The following KCNQ1OT1 variants were observed in gnomAD, a reference collection of about 807,000 sequenced individuals.
The protein encoded by KCNQ1OT1 is KCNQ1 antisense RNA 2 (non-protein coding).
In KCNQ1OT1 at chr11:2,668,675, C is replaced by CAG. The variant is rs954593533; in HGVS notation, n.31318_31319dup. 1.5e-5 allele frequency: 6 copies of CAG among 398,514 alleles called. No homozygotes were observed. The Admixed American group carries it at 1.8e-4, about 12-fold the overall frequency. 24.7% of individuals were successfully genotyped at this position (398,514 alleles called of 1,614,324 possible). ...CTTTAGATATTCTGGAGTCATTTGT[C>CAG]AGAGAGAGAGATACACACACTCACA... On this transcript the variant is annotated non_coding_transcript_exon_variant, in exon 1 of 1. Transcript: ENST00000597346. The surrounding 1 kb of genome is among the most constrained non-coding windows in gnomAD (Gnocchi z 4.3).
In KCNQ1OT1 at chr11:2,645,377, A is replaced by AGGGTGGGACCAGGCC; in HGVS notation, n.54603_54617dup. On this transcript the variant is annotated non_coding_transcript_exon_variant, in exon 1 of 1. Coordinates refer to ENST00000597346, the Ensembl canonical transcript of KCNQ1OT1. This position sits in a 1 kb window ranked among gnomAD's most constrained non-coding sequence, Gnocchi z 5.8. ...GTATGCGCTGGCACTGGGAGAAAAGAGGGTGGGACCAGGCCAGGTGGGCCT... is the reference window on the plus strand; with the variant it reads ...GTATGCGCTGGCACTGGGAGAAAAGAGGGTGGGACCAGGCCGGGTGGGACCAGGCCAGGTGGGCCT... 2.5e-6 allele frequency: 1 copy of AGGGTGGGACCAGGCC among 398,792 alleles called. No homozygotes were observed. Among genetic ancestry groups the AGGGTGGGACCAGGCC allele is most frequent in the Non-Finnish European group, 4.4e-6 (1 of 226,246 alleles). The allele number at this position is 398,792 out of a possible 1,614,324, so 24.7% of individuals were successfully genotyped here.
exon 1 of KCNQ1OT1, chr11:2,633,396 T>G (rs1849396556): frequency 5.0e-6 from 2 of 398,588 alleles, no homozygotes; most frequent in Non-Finnish European, 8.8e-6. Context: ...TTTGTCTATT[T>G]TTGTTTTTGT....
At chr11:2,646,926 C>G (rs1023087103) in exon 1 of KCNQ1OT1, 3 of 398,496 alleles carry the variant, frequency 7.5e-6, no homozygotes, top group Non-Finnish European at 1.3e-5. Flanking sequence ...TAAGATTATG[C>G]CATCTGCAAA....
At chr11:2,633,576 C>A in exon 1 of KCNQ1OT1, 2 of 398,476 alleles carry the variant, frequency 5.0e-6, no homozygotes. Flanking sequence ...TTTCATTCTT[C>A]TGCATATGAT....
At chr11:2,650,289 T>G in exon 1 of KCNQ1OT1, 1 of 398,602 alleles carries the variant, frequency 2.5e-6, no homozygotes, top group Non-Finnish European at 4.4e-6. Context: ...GGAGAATTAT[T>G]GTGTTCTTTT....
At chr11:2,641,135 G>A (rs1053523542) in exon 1 of KCNQ1OT1, 3 of 398,380 alleles carry the variant, frequency 7.5e-6, no homozygotes, top group African/African-American at 6.2e-5. Flanking sequence ...ACACGGGGAT[G>A]CAGGTACATT....
chr11:2,659,705 TTCCCACC>T lies in KCNQ1OT1; in HGVS notation n.40283_40289del, dbSNP rs1849916022. 4 of 398,550 alleles carry T rather than the reference TTCCCACC, an allele frequency of 1.0e-5. No individual in the cohort carries two copies. The Admixed American group carries it at 1.3e-4, about 13-fold the overall frequency. The allele number at this position is 398,550 out of a possible 1,614,324, so 24.7% of individuals were successfully genotyped here. ...CCTAAAGTCACTGTGCCATTTTGCA[TTCCCACC>T]AGTAACATATGAGAGTTCTACATGT... On this transcript the variant is annotated non_coding_transcript_exon_variant, in exon 1 of 1. Coordinates refer to ENST00000597346, the Ensembl canonical transcript of KCNQ1OT1. This position sits in a 1 kb window ranked among gnomAD's most constrained non-coding sequence, Gnocchi z 4.3.
chr11:2,660,412 T>C (rs1849931171), exon 1 of KCNQ1OT1: 1 of 398,500 alleles, frequency 2.5e-6, no homozygotes, highest in Non-Finnish European at 4.4e-6. Context: ...AAAAGATGTA[T>C]CACTTTAAAA....
exon 1 of KCNQ1OT1, chr11:2,610,716 CTT>C (rs1167505141): frequency 0.065 from 14,278 of 219,124 alleles, no homozygotes; most frequent in Middle Eastern, 0.088. Flanking sequence ...TCTTGGTTGG[CTT>C]TTTTTTTTTT....
At chr11:2,609,232 C>T in exon 1 of KCNQ1OT1, 1 of 398,190 alleles carries the variant, frequency 2.5e-6, no homozygotes, top group Non-Finnish European at 4.4e-6. Flanking sequence ...TCTTCATTTT[C>T]ATTAATCTCA....
chr11:2,669,268 C>T lies in KCNQ1OT1; in HGVS notation n.30727G>A. ...TTCTCCTTCCCCATCACTGGCTTTG[C>T]TGTCTTTGCAGGGTTTCTCCTCACC... On this transcript the variant is annotated non_coding_transcript_exon_variant, in exon 1 of 1. Transcript: ENST00000597346. The surrounding 1 kb of genome is among the most constrained non-coding windows in gnomAD (Gnocchi z 5.6). 1 of 398,726 alleles carries T rather than the reference C, an allele frequency of 2.5e-6. No homozygotes were observed. The allele number at this position is 398,726 out of a possible 1,614,324, so 24.7% of individuals were successfully genotyped here.
Position 2,645,251 on chromosome 11 carries a change from G to A in KCNQ1OT1, n.54744C>T. On this transcript the variant is annotated non_coding_transcript_exon_variant, in exon 1 of 1. Transcript: ENST00000597346. This position sits in a 1 kb window ranked among gnomAD's most constrained non-coding sequence, Gnocchi z 5.8. ...GCAAATTCAAGTGAATGCCAGTTGT[G>A]GTGGTAATGGTCAGTTGGGTAGGGC... is the stretch of plus-strand genomic sequence containing the variant. 1 of 398,648 alleles carries A rather than the reference G, an allele frequency of 2.5e-6. No individual in the cohort carries two copies. Among genetic ancestry groups the A allele is most frequent in the East Asian group, 3.6e-5 (1 of 28,068 alleles). The allele number at this position is 398,648 out of a possible 1,614,324, so 24.7% of individuals were successfully genotyped here. A position where few individuals can be genotyped will look rare whatever the true frequency, so the allele number is the denominator to read the frequency against.
rs1289439667 is a variant in KCNQ1OT1 at position 2,663,248 on chromosome 11, G to A, written n.36747C>T. ...GGAGCCAGCAGATCACTGGAAAGCA[G>A]GGGTGACTAGTCATGGACACCCTGA... On this transcript the variant is annotated non_coding_transcript_exon_variant, in exon 1 of 1. Coordinates refer to ENST00000597346, the Ensembl canonical transcript of KCNQ1OT1. This position sits in a 1 kb window ranked among gnomAD's most constrained non-coding sequence, Gnocchi z 5.2. The A allele has an allele frequency of 5.0e-6, 2 of 398,628 alleles. No individual in the cohort carries two copies. The highest frequency in any genetic ancestry group is 3.6e-5 in the East Asian group (1 of 28,088). 24.7% of individuals were successfully genotyped at this position (398,628 alleles called of 1,614,324 possible).
exon 1 of KCNQ1OT1, chr11:2,693,700 T>C: frequency 2.5e-6 from 1 of 398,640 alleles, no homozygotes; most frequent in Non-Finnish European, 4.4e-6. Context: ...CGCTCCAGCC[T>C]CATGGGCCTT....
rs1849918155 is a variant in KCNQ1OT1 at position 2,659,812 on chromosome 11, C to T, written n.40183G>A. The T allele has an allele frequency of 5.0e-6, 2 of 398,130 alleles. No individual in the cohort carries two copies. The highest frequency in any genetic ancestry group is 4.4e-5 in the Admixed American group (1 of 22,696). 24.7% of individuals were successfully genotyped at this position (398,130 alleles called of 1,614,324 possible). A position where few individuals can be genotyped will look rare whatever the true frequency, so the allele number is the denominator to read the frequency against. On this transcript the variant is annotated non_coding_transcript_exon_variant, in exon 1 of 1. Coordinates refer to ENST00000597346, the Ensembl canonical transcript of KCNQ1OT1. This position sits in a 1 kb window ranked among gnomAD's most constrained non-coding sequence, Gnocchi z 4.3. ...TAATTTATGGAATTTCATTGTGATT[C>T]TAATTTGCATTTCCATATTTATGTT... is the stretch of plus-strand genomic sequence containing the variant.
At position 2,671,770 on chromosome 11, in the gene KCNQ1OT1, T is replaced by A. The variant is rs116876400; in HGVS notation, n.28225A>T. The A allele has an allele frequency of 5.0e-6, 2 of 398,696 alleles. No homozygotes were observed. Among genetic ancestry groups the A allele is most frequent in the Non-Finnish European group, 8.8e-6 (2 of 226,142 alleles). The allele number at this position is 398,696 out of a possible 1,614,324, so 24.7% of individuals were successfully genotyped here. On this transcript the variant is annotated non_coding_transcript_exon_variant, in exon 1 of 1. Coordinates refer to ENST00000597346, the Ensembl canonical transcript of KCNQ1OT1. The surrounding 1 kb of genome is among the most constrained non-coding windows in gnomAD (Gnocchi z 4.7). The stretch of plus-strand genomic sequence containing the variant: ...CTACATACACATACATGCATGCACA[T>A]AATCATTCTGACCCAGTCAGGGTTC...
Position 2,674,512 on chromosome 11 carries a change from G to A in KCNQ1OT1, n.25483C>T, listed in dbSNP as rs954618310. 5 of 398,516 alleles carry A rather than the reference G, an allele frequency of 1.3e-5. No homozygotes were observed. Among genetic ancestry groups the A allele is most frequent in the African/African-American group, 4.1e-5 (2 of 48,634 alleles). The allele number at this position is 398,516 out of a possible 1,614,324, so 24.7% of individuals were successfully genotyped here. ...GCCCCAGTGTTACTAGGCACTAGAT[G>A]GCACTTGCAAAGCCCATTCGGAGGA... is the stretch of plus-strand genomic sequence containing the variant. On this transcript the variant is annotated non_coding_transcript_exon_variant, in exon 1 of 1. Coordinates refer to ENST00000597346, the Ensembl canonical transcript of KCNQ1OT1. The surrounding 1 kb of genome is among the most constrained non-coding windows in gnomAD (Gnocchi z 5.9).
exon 1 of KCNQ1OT1, chr11:2,614,417 C>T (rs1849027810): frequency 2.5e-6 from 1 of 398,454 alleles, no homozygotes; most frequent in Non-Finnish European, 4.4e-6. Flanking sequence ...AGTACATTTA[C>T]AATATTGTGT....
At chr11:2,630,408 G>T in exon 1 of KCNQ1OT1, 1 of 398,184 alleles carries the variant, frequency 2.5e-6, no homozygotes, top group Non-Finnish European at 4.4e-6. Flanking sequence ...CTTAGTATGA[G>T]GGCAATGCTA....
Sources: allele counts gnomAD v4.1 joint callset, GRCh38; gene constraint gnomAD v4.1.1; non-coding constraint Gnocchi (gnomAD v3.1); transcripts MANE v1.5; gene names NCBI Gene and HGNC (gene_info 2026-07-23, HGNC 2026-07-21).